ETFB: variants seen among roughly 807,000 people sequenced by gnomAD.
ETFB encodes electron transfer flavoprotein subunit beta, also known as beta-ETF.
ETFB carries 20 observed loss-of-function variants against 25.6 expected under a neutral mutation model. That is an observed-to-expected ratio of 0.78 (90% CI 0.55 to 1.14). ETFB has a LOEUF of 1.14. Among genes scored for constraint, ETFB ranks in the 50% most tolerant of loss-of-function variants. The pLI is 0.00. For synonymous variants in ETFB, 142 were observed against 146.7 expected (o/e 0.97, Z 0.23); for missense variants, 286 against 342.6 (o/e 0.83, Z 1.30).
In ETFB at chr19:51,346,894, G is replaced by A. The variant is rs539989327; in HGVS notation, c.597+6C>T. 8 of 1,550,210 alleles carry A rather than the reference G, an allele frequency of 5.2e-6. No homozygotes were observed. The highest frequency in any genetic ancestry group is 1.4e-5 in the African/African-American group (1 of 73,158). ...GGCCCTCAGTGCCCGCTGGCCAGGG[G>A]CTCACCATGATGTTGGGCAGCGTGG... On this transcript the variant is annotated splice_donor_region_variant and intron_variant, in intron 5 of 5. Transcript: ENST00000309244.
intron 1 of ETFB, among the ~76,000 whole-genome samples, chr19:51,364,879 T>C (rs1293432910): frequency 6.6e-6 from 1 of 152,088 alleles, no homozygotes; most frequent in Non-Finnish European, 1.5e-5. Context: ...TCCTCATCTA[T>C]CCAATGGAAT....
In ETFB at chr19:51,357,486, C is replaced by CTTT. The variant is rs199903123; in HGVS notation, c.58-3181_58-3179dup. ...GCCCACCACAATCCTTTTTTTCTTT[C>CTTT]TTTCTTTTTTTTTTTTTTTTTGAGA... On this transcript the variant is annotated intron_variant, in intron 1 of 5. Coordinates refer to ENST00000309244, the MANE Select transcript of ETFB (RefSeq NM_001985.3). Among the ~76,000 whole-genome samples, 210 of 100,768 alleles carry CTTT rather than the reference C, an allele frequency of 2.1e-3. 34 individuals are homozygous for CTTT. Among genetic ancestry groups the CTTT allele is most frequent in the Non-Finnish European group, 2.3e-3 (112 of 49,160 alleles). 66.1% of individuals were successfully genotyped at this position (100,768 alleles called of 152,430 possible). A position where few individuals can be genotyped will look rare whatever the true frequency, so the allele number is the denominator to read the frequency against.
chr19:51,352,786 C>A (rs77937137), intron 3 of ETFB, among the ~76,000 whole-genome samples: 11 of 152,060 alleles, frequency 7.2e-5, no homozygotes, highest in Admixed American at 6.5e-5. Context: ...TGATACCACA[C>A]CCGGCTAATT....
intron 1 of ETFB, 140 bp from the exon 2 acceptor site, chr19:51,354,448 T>C (rs1986024978): frequency 6.2e-7 from 1 of 1,613,786 alleles, no homozygotes; most frequent in Non-Finnish European, 8.5e-7. Context: ...GTCACACAGC[T>C]CCAGGGACAG....
At position 51,363,472 on chromosome 19, in the gene ETFB, T is replaced by C. The variant is rs148671930; in HGVS notation, c.57+2798A>G. ...ATTATTATTATTATTATTTTGAGACTGAGTCTAGCTCTGTCACCCAGGCTG... is the reference window on the plus strand; with the variant it reads ...ATTATTATTATTATTATTTTGAGACCGAGTCTAGCTCTGTCACCCAGGCTG... On this transcript the variant is annotated intron_variant, in intron 1 of 5. Coordinates refer to ENST00000309244, the MANE Select transcript of ETFB (RefSeq NM_001985.3). Among the ~76,000 whole-genome samples, 56 of 152,112 alleles carry C rather than the reference T, an allele frequency of 3.7e-4. 3 individuals carry two copies. In the East Asian group the frequency reaches 9.9e-3, roughly 27 times the overall value.
intron 1 of ETFB, chr19:51,355,441 A>T (rs971818070): frequency 2.0e-5 from 3 of 152,190 alleles, no homozygotes; most frequent in African/African-American, 4.8e-5. Context: ...GTCAGGAAAG[A>T]ACAGGTGCTG....
At chr19:51,359,041 C>G (rs143017941) in intron 1 of ETFB, among the ~76,000 whole-genome samples, 18 of 151,982 alleles carry the variant, frequency 1.2e-4, no homozygotes, top group African/African-American at 4.3e-4. Context: ...GGAGAAGGAG[C>G]TGGAAGAGGA....
At position 51,350,353 on chromosome 19, in the gene ETFB, T is replaced by C. The variant is rs1178011139; in HGVS notation, c.414A>G (p.Thr138=). ...CCTGTGGCCAGTCAAGAAATCCAGC[T>C]GTCATCTGCCCTGTCTGGTTACAGT... ...DDDCNQTGQM[T]AGFLDWPQGT... Residue 138 remains threonine (T), a synonymous_variant, in exon 4 of 6, where the codon ACA becomes ACG. Transcript: ENST00000309244. 9 of 1,609,684 alleles carry C rather than the reference T, an allele frequency of 5.6e-6. No individual in the cohort carries two copies. The highest frequency in any genetic ancestry group is 5.0e-5 in the Admixed American group (3 of 59,704).
intron 1 of ETFB, among the ~76,000 whole-genome samples, chr19:51,358,824 A>C (rs1367573715): frequency 1.7e-5 from 2 of 114,850 alleles, no homozygotes; most frequent in Non-Finnish European, 3.5e-5. Context: ...AAACAAACAA[A>C]CAACAACAAA....
At position 51,351,103 on chromosome 19, in the gene ETFB, A is replaced by G. The variant is rs552458474; in HGVS notation, c.376-712T>C. 7.9e-5 allele frequency among the ~76,000 whole-genome samples: 12 copies of G among 152,204 alleles called. No individual in the cohort carries two copies. In the South Asian group the frequency reaches 1.5e-3, roughly 18 times the overall value. On this transcript the variant is annotated intron_variant, in intron 3 of 5. Transcript: ENST00000309244. ...CTGTATAAAGCCTCTCAGGAGTCCC[A>G]CCCTATGTGGCCCCTGGGCAGCTGC...
chr19:51,347,499 A>T lies in ETFB; in HGVS notation c.439-441T>A, dbSNP rs533641713. 4.1e-5 allele frequency: 8 copies of T among 196,328 alleles called. No individual in the cohort carries two copies. In the East Asian group the frequency reaches 1.1e-3, roughly 26 times the overall value. 12.2% of individuals were successfully genotyped at this position (196,328 alleles called of 1,614,324 possible). On this transcript the variant is annotated intron_variant, in intron 4 of 5. Transcript: ENST00000309244. ...CAGCTGGTAAATCCAAAAGCTGACA[A>T]TCTGGCTCCCAACGGCCCCCCGTGA...
Position 51,353,749 on chromosome 19 carries a change from G to A in ETFB, c.216+401C>T, listed in dbSNP as rs76689356. Among the ~76,000 whole-genome samples, 30 of 23,990 alleles carry A rather than the reference G, an allele frequency of 1.3e-3. 2 individuals are homozygous for A. The highest frequency in any genetic ancestry group is 9.7e-3 in the African/African-American group (28 of 2,890). The allele number at this position is 23,990 out of a possible 152,430, so 15.7% of individuals were successfully genotyped here. A position where few individuals can be genotyped will look rare whatever the true frequency, so the allele number is the denominator to read the frequency against. On this transcript the variant is annotated intron_variant, in intron 2 of 5. Coordinates refer to ENST00000309244, the MANE Select transcript of ETFB (RefSeq NM_001985.3). ...CAGCCCATCCTCCCTCAGACCCAGGGGTCCAGACTTCCAGCCTCCTCCTCC... is the reference window on the plus strand; with the variant it reads ...CAGCCCATCCTCCCTCAGACCCAGGAGTCCAGACTTCCAGCCTCCTCCTCC...
At chr19:51,356,305 C>T (rs546735408) in intron 1 of ETFB, 47 of 152,088 alleles carry the variant, frequency 3.1e-4, no homozygotes, top group Non-Finnish European at 5.7e-4. Context: ...GACAACGTGA[C>T]CAGTGACCCT....
At position 51,354,292 on chromosome 19, in the gene ETFB, T is replaced by A; in HGVS notation, c.74A>T (p.Asp25Val). 6.2e-7 allele frequency: 1 copy of A among 1,614,074 alleles called. No homozygotes were observed. The highest frequency in any genetic ancestry group is 1.1e-5 in the South Asian group (1 of 91,068). The change falls in exon 2 of 6, where the codon GAC becomes GTC. Residue 25 changes from aspartate (D) to valine (V), a missense_variant. Asp to Val is a radical substitution (Grantham distance 152). Transcript: ENST00000309244. ...ACCATCCGTGACCACACCGGTCCTGTCAGGCTTCACTCGGATCTGCCCAGC... is the reference window on the plus strand; with the variant it reads ...ACCATCCGTGACCACACCGGTCCTGACAGGCTTCACTCGGATCTGCCCAGC... ...DYAVKIRVKP[D>V]RTGVVTDGVK...
At chr19:51,358,545 T>C (rs1405326235) in intron 1 of ETFB, among the ~76,000 whole-genome samples, 1 of 152,084 alleles carries the variant, frequency 6.6e-6, no homozygotes, top group Non-Finnish European at 1.5e-5. Context: ...ATGCCTGTAA[T>C]CCCAGCACTT....
At chr19:51,346,077 G>A (rs866176659) in intron 5 of ETFB, 2 of 157,986 alleles carry the variant, frequency 1.3e-5, no homozygotes, top group African/African-American at 5.2e-5. Flanking sequence ...CTGAGATGAT[G>A]CGCTGAACCC....
Position 51,354,155 on chromosome 19 carries a change from A to T in ETFB, c.211T>A (p.Cys71Ser). 6.2e-7 allele frequency: 1 copy of T among 1,613,814 alleles called. No individual in the cohort carries two copies. The highest frequency in any genetic ancestry group is 1.7e-4 in the Middle Eastern group (1 of 6,028). ...VIAVSCGPAQ[C>S]QETIRTALAM... The stretch of plus-strand genomic sequence containing the variant: ...CTCCCCAAGACCTTCATCACCTGGC[A>T]CTGTGCAGGCCCACAGCTGACGGCG... The change falls in exon 2 of 6, where the codon TGC becomes AGC. Residue 71 changes from cysteine (C) to serine (S), a missense_variant. Coordinates refer to ENST00000309244, the MANE Select transcript of ETFB (RefSeq NM_001985.3).
intron 1 of ETFB, chr19:51,354,896 T>A (rs1449405101): frequency 2.2e-6 from 1 of 462,848 alleles, no homozygotes; most frequent in Non-Finnish European, 4.0e-6. Flanking sequence ...GGCACGTACA[T>A]GGTGGTCTCT....
Position 51,366,340 on chromosome 19 carries a change from C to CT in ETFB, c.-15_-14insA, listed in dbSNP as rs754286628. 2.5e-6 allele frequency: 4 copies of CT among 1,612,384 alleles called. No homozygotes were observed. The highest frequency in any genetic ancestry group is 3.4e-6 in the Non-Finnish European group (4 of 1,179,822). ...CAGCTCCGCCATCTTCCCGCCGCAG[C>CT]CACTTACAGGGTCAGCCCGCACCCT... On this transcript the variant is annotated 5_prime_UTR_variant, in exon 1 of 6. Transcript: ENST00000309244.
Sources: gnomAD v4.1 joint callset for allele counts (sites outside exome capture counted in the v4.1 genomes callset) on GRCh38, gnomAD v4.1.1 for gene constraint, MANE v1.5 for transcripts, NCBI Gene and HGNC (gene_info 2026-07-23, HGNC 2026-07-21) for gene names.